Variants in ART3 observed in about 807,000 individuals in gnomAD.
ART3 encodes the protein ADP-ribosyltransferase 3 (inactive).
In ART3, 49 loss-of-function variants were observed where a neutral mutation model predicts 48.5. The observed-to-expected ratio is 1.01, with a 90% CI of 0.80 to 1.28. ART3 has a LOEUF of 1.28. ART3 is among the 50% of genes most tolerant of loss of function. ART3 has a pLI of 0.00. For missense variants in ART3, 438 were observed against 454.3 expected (o/e 0.96, Z 0.33); for synonymous variants, 145 against 157.2 (o/e 0.92, Z 0.58).
intron 1 of ART3, among the ~76,000 whole-genome samples, chr4:76,017,620 C>T (rs1009213959): frequency 2.0e-5 from 3 of 152,092 alleles, no homozygotes; most frequent in Admixed American, 2.0e-4. Context: ...GTTGTGCACT[C>T]CCCAAGTCCA....
At chr4:76,100,143 CAACTT>C (rs144864615) in intron 5 of ART3, 143 bp from the exon 6 acceptor site, 10,322 of 634,276 alleles carry the variant, frequency 0.016, 525 homozygotes, top group African/African-American at 0.13. Flanking sequence ...CTGTGACCGA[CAACTT>C]AAGTTTAGTA....
intron 5 of ART3, chr4:76,099,522 G>C (rs1726798985): frequency 1.8e-5 from 3 of 165,998 alleles, no homozygotes; most frequent in African/African-American, 7.2e-5. Context: ...CGGGGAATAC[G>C]GGTGGTGAGA....
At chr4:76,022,937 G>T in intron 1 of ART3, 1 of 955,324 alleles carries the variant, frequency 1.0e-6, no homozygotes, top group Non-Finnish European at 1.6e-6. Context: ...CACTTAATCT[G>T]AGGAGGAATG....
chr4:76,108,593 A>G (rs745834002), intron 11 of ART3, among the ~76,000 whole-genome samples: 3 of 150,526 alleles, frequency 2.0e-5, no homozygotes, highest in African/African-American at 5.0e-5. Flanking sequence ...CAATCGTCCA[A>G]ACTGCCTCTT....
At chr4:76,104,360 C>T (rs753003431) in intron 9 of ART3, 7 of 985,258 alleles carry the variant, frequency 7.1e-6, no homozygotes, top group Non-Finnish European at 8.4e-6. Context: ...TAACAAAACA[C>T]GATATTCTCC....
At chr4:76,095,491 G>C (rs1209240613) in intron 3 of ART3, among the ~76,000 whole-genome samples, 1 of 152,192 alleles carries the variant, frequency 6.6e-6, no homozygotes, top group Non-Finnish European at 1.5e-5. Context: ...CTGGGTGACA[G>C]AGCGAGACTC....
intron 1 of ART3, chr4:76,033,798 G>A (rs935179132): frequency 8.5e-5 from 13 of 152,256 alleles, no homozygotes; most frequent in Non-Finnish European, 1.6e-4. Context: ...CAAAGAAATT[G>A]ATTAGATTAT....
intron 6 of ART3, 125 bp from the exon 7 acceptor site, chr4:76,100,670 A>AAGATACCT (rs1233600437): frequency 8.7e-7 from 1 of 1,146,116 alleles, no homozygotes; most frequent in Non-Finnish European, 1.3e-6. Context: ...TGCATTTTGC[A>AAGATACCT]AGATACCTCC....
At chr4:76,050,944 G>A (rs1736014653) in intron 1 of ART3, among the ~76,000 whole-genome samples, 1 of 152,200 alleles carries the variant, frequency 6.6e-6, no homozygotes, top group African/African-American at 2.4e-5. Context: ...CCGGCGGGCT[G>A]CTCCGAGTGC....
chr4:76,081,401 T>C (rs1281183417), intron 2 of ART3, among the ~76,000 whole-genome samples: 1 of 152,258 alleles, frequency 6.6e-6, no homozygotes, highest in Non-Finnish European at 1.5e-5. Flanking sequence ...GGGTAATGTT[T>C]GTCATTATGT....
intron 1 of ART3, among the ~76,000 whole-genome samples, chr4:76,051,037 C>T (rs938091154): frequency 2.6e-4 from 40 of 152,368 alleles, no homozygotes; most frequent in African/African-American, 9.6e-4. Context: ...TGGCGCCTGT[C>T]CCTCCACACC....
intron 9 of ART3, 130 bp downstream of exon 9, chr4:76,104,099 A>G (rs1560654989): frequency 1.9e-6 from 2 of 1,059,974 alleles, no homozygotes; most frequent in Admixed American, 4.1e-5. Flanking sequence ...CCAGTCATCT[A>G]CAAATATTTA....
intron 3 of ART3, among the ~76,000 whole-genome samples, chr4:76,089,469 T>C (rs1285308818): frequency 6.6e-6 from 1 of 152,090 alleles, no homozygotes; most frequent in African/African-American, 2.4e-5. Flanking sequence ...CTTCCCCCTC[T>C]CCCTCTTCCT....
intron 1 of ART3, among the ~76,000 whole-genome samples, chr4:76,052,330 G>A (rs1051034207): frequency 1.2e-4 from 18 of 152,118 alleles, no homozygotes; most frequent in Non-Finnish European, 2.9e-5. Context: ...TCCTTGATAT[G>A]TGCTACCCCA....
At chr4:76,102,307 G>T (rs1727511341) in intron 8 of ART3, among the ~76,000 whole-genome samples, 3 of 151,846 alleles carry the variant, frequency 2.0e-5, no homozygotes, top group African/African-American at 7.3e-5. Context: ...TGGCCAATTT[G>T]GGAAATTCTG....
chr4:76,014,795 G>A (rs566578918), intron 1 of ART3, among the ~76,000 whole-genome samples: 1 of 152,266 alleles, frequency 6.6e-6, no homozygotes, highest in African/African-American at 2.4e-5. Flanking sequence ...AATCTTGAAA[G>A]CAACAAGTGA....
At chr4:76,036,809 G>T (rs911024562) in intron 1 of ART3, 5 of 250,862 alleles carry the variant, frequency 2.0e-5, no homozygotes, top group Admixed American at 8.6e-5. Context: ...AGCTCCTCCT[G>T]CCTTCTCTTG....
chr4:76,043,958 T>C (rs1449553585), intron 1 of ART3, among the ~76,000 whole-genome samples: 3 of 152,102 alleles, frequency 2.0e-5, no homozygotes, highest in Admixed American at 2.0e-4. Context: ...GCAGTTGTAG[T>C]GTCCTTCAGA....
At chr4:76,083,807 G>T (rs1722981196) in intron 3 of ART3, among the ~76,000 whole-genome samples, 1 of 152,190 alleles carries the variant, frequency 6.6e-6, no homozygotes, top group African/African-American at 2.4e-5. Flanking sequence ...TTGGGAAGGG[G>T]GTAATTATCC....
Sources: allele counts gnomAD v4.1 joint callset (sites outside exome capture counted in the v4.1 genomes callset), GRCh38; gene constraint gnomAD v4.1.1; transcripts MANE v1.5; gene names NCBI Gene and HGNC (gene_info 2026-07-23, HGNC 2026-07-21).